The following CNOT1 variants were observed in gnomAD, a reference collection of about 807,000 sequenced individuals.
The protein encoded by CNOT1 is CCR4-associated factor 1.
CNOT1 carries 15 observed loss-of-function variants against 273.8 expected under a neutral mutation model. That is an observed-to-expected ratio of 0.05 (90% CI 0.04 to 0.08). CNOT1 has a LOEUF of 0.08. Ranked by LOEUF, CNOT1 falls within the 10% of genes least tolerant of loss-of-function variation. The pLI is 1.00. For synonymous variants in CNOT1, 1,022 were observed against 1,005.5 expected, an observed-to-expected ratio of 1.02 and a Z score of -0.31; for missense variants, 1,644 against 2,912.2, an observed-to-expected ratio of 0.56 and a Z score of 10.02.
At chr16:58,606,288 C>A (rs2152023779) in intron 1 of CNOT1, among the ~76,000 whole-genome samples, 1 of 152,082 alleles carries the variant, frequency 6.6e-6, no homozygotes. Context: ...GGTGAGGTGG[C>A]ACACACTGGT....
intron 40 of CNOT1, chr16:58,532,703 A>G (rs530991402): frequency 3.7e-6 from 1 of 273,710 alleles, no homozygotes; most frequent in African/African-American, 2.1e-5. Flanking sequence ...CCATGTTAAC[A>G]CAATATAACA....
intron 34 of CNOT1, among the ~76,000 whole-genome samples, chr16:58,540,325 A>G (rs1037340860): frequency 7.2e-5 from 11 of 152,214 alleles, no homozygotes; most frequent in African/African-American, 2.7e-4. Context: ...CAAACCATGA[A>G]AAATACAGTA....
rs747539443 is a variant in CNOT1, at chr16:58,578,905, G to C, written c.1378C>G (p.Leu460Val). 2.5e-6 allele frequency: 4 copies of C among 1,614,042 alleles called. No individual in the cohort carries two copies. The highest frequency in any genetic ancestry group is 3.4e-6 in the Non-Finnish European group (4 of 1,180,048). ...SLDLIESLLR[L>V]AEVGQYEQVK... ...TGCTCATACTGCCCAACCTCTGCAA[G>C]CCTCAGCAGAGATTCAATCAAATCC... The change falls in exon 13 of 49, where the codon CTT becomes GTT. Residue 460 changes from leucine (L) to valine (V), a missense_variant. By Grantham distance (32) the Leu-to-Val change is conservative. Transcript: ENST00000317147.
chr16:58,611,094 C>G (rs2042881916), intron 1 of CNOT1, among the ~76,000 whole-genome samples: 2 of 151,976 alleles, frequency 1.3e-5, no homozygotes, highest in South Asian at 4.2e-4. Flanking sequence ...CCAAGAGAGT[C>G]AACACTGCTA....
rs1485542976 is a variant in CNOT1, at chr16:58,613,342, G to A, written c.-174-13831C>T. Among the ~76,000 whole-genome samples the A allele has an allele frequency of 7.3e-5, 5 of 68,640 alleles. 1 individual carries two copies. The highest frequency in any genetic ancestry group is 2.2e-4 in the Non-Finnish European group (5 of 22,924). The allele number at this position is 68,640 out of a possible 152,430, so 45.0% of individuals were successfully genotyped here. A position where few individuals can be genotyped will look rare whatever the true frequency, so the allele number is the denominator to read the frequency against. On this transcript the variant is annotated intron_variant, in intron 1 of 48. Coordinates refer to ENST00000317147, the MANE Select transcript of CNOT1 (RefSeq NM_016284.5). Reference sequence around the variant, plus strand: ...TCACCACGCCTGGCTTAGAGGTTAAGTCTAAAACAAGCAAAAATCCTTTCA... The same window carrying A: ...TCACCACGCCTGGCTTAGAGGTTAAATCTAAAACAAGCAAAAATCCTTTCA...
In CNOT1 at chr16:58,521,964, A is replaced by G. The variant is rs1350291945; in HGVS notation, c.6918-647T>C. Among the ~76,000 whole-genome samples, 5 of 151,170 alleles carry G rather than the reference A, an allele frequency of 3.3e-5. No individual in the cohort carries two copies. In the East Asian group the frequency reaches 9.7e-4, roughly 29 times the overall value. On this transcript the variant is annotated intron_variant, in intron 47 of 48. Transcript: ENST00000317147. ...AGACCCTGTCTCAAATAAACAGATA[A>G]ATTAAATAAATAAATAAGCTCACTC...
intron 1 of CNOT1, among the ~76,000 whole-genome samples, chr16:58,610,930 G>C (rs2042876544): frequency 6.6e-6 from 1 of 152,018 alleles, no homozygotes; most frequent in Non-Finnish European, 1.5e-5. Flanking sequence ...CCAGCTACTT[G>C]GGAGGCTGAG....
chr16:58,534,080 TAATA>T (rs966911931), intron 40 of CNOT1, 63 bp downstream of exon 40: 60 of 1,280,456 alleles, frequency 4.7e-5, no homozygotes, highest in African/African-American at 2.8e-4. Context: ...AAAATAATAA[TAATA>T]AATAAATAAA....
chr16:58,572,291 A>G (rs900748737), intron 16 of CNOT1, among the ~76,000 whole-genome samples: 3 of 152,022 alleles, frequency 2.0e-5, no homozygotes, highest in African/African-American at 7.2e-5. Flanking sequence ...TCTCAAAAAA[A>G]AAAAAAATTG....
chr16:58,585,240 AGAT>A (rs1020010817), intron 8 of CNOT1, 95 bp downstream of exon 8: 2 of 1,534,896 alleles, frequency 1.3e-6, no homozygotes, highest in Non-Finnish European at 1.8e-6. Flanking sequence ...TGAGAAGAAA[AGAT>A]GATTAACTTT....
At chr16:58,525,104 T>G (rs1049212836) in intron 46 of CNOT1, 75 bp downstream of exon 46, 2 of 1,401,042 alleles carry the variant, frequency 1.4e-6, no homozygotes, top group African/African-American at 2.8e-5. Context: ...CTTGAAGCAT[T>G]TTTACATTTT....
rs150855928 is a variant in CNOT1 at position 58,555,844 on chromosome 16, T to C, written c.2544A>G (p.Ala848=). The C allele has an allele frequency of 9.9e-6, 16 of 1,614,006 alleles. No individual in the cohort carries two copies. The highest frequency in any genetic ancestry group is 1.3e-5 in the Non-Finnish European group (15 of 1,180,028). ...QHFSKEIDDE[A]NSYFQRIYNH... The stretch of plus-strand genomic sequence containing the variant: ...TATATATTCGCTGGAAATAGCTGTT[T>C]GCTTCATCATCTATCTCTTTACTAA... Residue 848 remains alanine, a synonymous_variant, in exon 20 of 49, where the codon GCA becomes GCG. Transcript: ENST00000317147.
chr16:58,594,729 G>A (rs1455273957), intron 2 of CNOT1, among the ~76,000 whole-genome samples: 3 of 151,710 alleles, frequency 2.0e-5, no homozygotes, highest in Non-Finnish European at 2.9e-5. Flanking sequence ...TTGAACCCAG[G>A]AGGCGGGGAT....
At chr16:58,597,659 C>G (rs967074203) in intron 2 of CNOT1, 3 of 479,880 alleles carry the variant, frequency 6.3e-6, no homozygotes, top group African/African-American at 6.0e-5. Flanking sequence ...AGAGGAAAGT[C>G]TGCAGGAACC....
rs531664849 is a variant in CNOT1, at chr16:58,586,527, C to T, written c.637+18G>A. The T allele has an allele frequency of 1.2e-6, 2 of 1,605,172 alleles. No homozygotes were observed. Among genetic ancestry groups the T allele is most frequent in the South Asian group, 2.2e-5 (2 of 90,666 alleles). On this transcript the variant is annotated intron_variant, in intron 7 of 48. Coordinates refer to ENST00000317147, the MANE Select transcript of CNOT1 (RefSeq NM_016284.5). ...ATCCAAGAAAACCACCCACTGTAGG[C>T]TACAAAGACTCCCTTACCTCTGCGC...
chr16:58,604,809 CAAAAAACAAAA>C (rs1567439445), intron 1 of CNOT1, among the ~76,000 whole-genome samples: 1 of 89,786 alleles, frequency 1.1e-5, no homozygotes, highest in Non-Finnish European at 2.1e-5. Context: ...AAAAAAAAAA[CAAAAAACAAAA>C]AAAAAATTAA....
At chr16:58,578,961 T>C (rs761612148) in intron 12 of CNOT1, 22 bp from the exon 13 acceptor site, 2 of 1,608,404 alleles carry the variant, frequency 1.2e-6, no homozygotes, top group South Asian at 2.2e-5. Context: ...GGAAGAAACA[T>C]GCTTTATCAA....
Position 58,541,616 on chromosome 16 carries a change from C to T in CNOT1, c.4685G>A (p.Gly1562Asp). ...AGCCAACTGCTTTGGGTCCACACCA[C>T]CAACCTTGAAAGAAGAAAACCTATT... ...RMPEQIRLKV[G>D]GVDPKQLAVY... is the part of the protein sequence containing the mutation. Residue 1562 changes from glycine to aspartate, a missense_variant, in exon 34 of 49, where the codon GGT (glycine) becomes GAT (aspartate). Gly to Asp is a moderately conservative substitution (Grantham distance 94). This residue lies in a region of CNOT1 where 170 missense variants were observed against 273.1 expected (regional missense o/e 0.62). Coordinates refer to ENST00000317147, the MANE Select transcript of CNOT1 (RefSeq NM_016284.5). 6.2e-7 allele frequency: 1 copy of T among 1,611,418 alleles called. No individual in the cohort carries two copies. The highest frequency in any genetic ancestry group is 8.5e-7 in the Non-Finnish European group (1 of 1,179,212).
chr16:58,592,175 G>C (rs1159417668), intron 2 of CNOT1, among the ~76,000 whole-genome samples: 3 of 152,066 alleles, frequency 2.0e-5, no homozygotes, highest in African/African-American at 7.2e-5. Context: ...CTTAATTTTA[G>C]AGGATAAATA....
Sources: gnomAD v4.1 joint callset for allele counts (sites outside exome capture counted in the v4.1 genomes callset) on GRCh38, gnomAD v4.1.1 for gene constraint, gnomAD v4.1.1 regional missense constraint, MANE v1.5 for transcripts, NCBI Gene and HGNC (gene_info 2026-07-23, HGNC 2026-07-21) for gene names.